The following HCN1 variants were observed in gnomAD, a reference collection of about 807,000 sequenced individuals.
The protein encoded by HCN1 is hyperpolarization activated cyclic nucleotide gated potassium channel 1.
A neutral mutation model predicts 78.9 loss-of-function variants in HCN1; 13 were observed. That is an observed-to-expected ratio of 0.16 (90% CI 0.11 to 0.26). The LOEUF (loss-of-function observed/expected upper bound fraction) is 0.26, where lower values mean the gene tolerates loss of function less well. HCN1 is among the 10% of genes least tolerant of loss of function. The pLI is 1.00. For synonymous variants in HCN1, 552 were observed against 455.5 expected (o/e 1.21, Z -2.70); for missense variants, 810 against 1,154.3 (o/e 0.70, Z 4.32).
rs78838095 is a variant in HCN1, at chr5:45,655,127, C to T, written c.426-9519G>A. ...TGCCCTTCAGTCTTTAAAATGTTCA[C>T]GTTTTATGGAAGCTTTGGAATGTGT... On this transcript the variant is annotated intron_variant, in intron 1 of 7. Transcript: ENST00000303230. Among the ~76,000 whole-genome samples the T allele has an allele frequency of 6.6e-4, 100 of 152,076 alleles. 1 individual carries two copies. The highest frequency in any genetic ancestry group is 5.0e-3 in the East Asian group (26 of 5,174).
At chr5:45,277,369 A>G (rs1745084974) in intron 6 of HCN1, among the ~76,000 whole-genome samples, 2 of 152,122 alleles carry the variant, frequency 1.3e-5, no homozygotes. Context: ...TAGCACTGAC[A>G]ACAGAAGTAG....
chr5:45,667,155 G>C (rs901027330), intron 1 of HCN1, among the ~76,000 whole-genome samples: 2 of 151,832 alleles, frequency 1.3e-5, no homozygotes, highest in Non-Finnish European at 2.9e-5. Flanking sequence ...CAAGAAATAA[G>C]CCACATAGGG....
intron 4 of HCN1, 33 bp from the exon 5 acceptor site, chr5:45,353,279 A>T (rs200486825): frequency 6.8e-7 from 1 of 1,480,424 alleles, no homozygotes; most frequent in South Asian, 1.1e-5. Flanking sequence ...TTAAAAAAAA[A>T]CATTGTTAGG....
chr5:45,388,786 A>G (rs1747979253), intron 4 of HCN1, among the ~76,000 whole-genome samples: 1 of 152,106 alleles, frequency 6.6e-6, no homozygotes, highest in Non-Finnish European at 1.5e-5. Context: ...TCTTTAAGTT[A>G]TTGAATTGTT....
intron 4 of HCN1, among the ~76,000 whole-genome samples, chr5:45,376,129 T>G (rs1196077170): frequency 3.0e-5 from 3 of 100,690 alleles, no homozygotes; most frequent in African/African-American, 8.1e-5. Context: ...ATATGTTATA[T>G]AAAATATAAT....
At chr5:45,339,163 C>T (rs1218428290) in intron 5 of HCN1, among the ~76,000 whole-genome samples, 2 of 152,096 alleles carry the variant, frequency 1.3e-5, no homozygotes, top group Admixed American at 1.3e-4. Flanking sequence ...ACCTTTTACT[C>T]AGTAAATATT....
At chr5:45,623,975 G>A (rs1231054766) in intron 2 of HCN1, among the ~76,000 whole-genome samples, 1 of 152,190 alleles carries the variant, frequency 6.6e-6, no homozygotes, top group African/African-American at 2.4e-5. Context: ...ATTCCTGGCA[G>A]AGTTAAGAAC....
intron 3 of HCN1, among the ~76,000 whole-genome samples, chr5:45,440,470 G>A (rs1043794218): frequency 6.6e-6 from 1 of 152,032 alleles, no homozygotes; most frequent in African/African-American, 2.4e-5. Context: ...CCCCTCTTGT[G>A]ACTACCCACT....
At chr5:45,485,065 T>G (rs1356155100) in intron 2 of HCN1, among the ~76,000 whole-genome samples, 1 of 152,210 alleles carries the variant, frequency 6.6e-6, no homozygotes, top group African/African-American at 2.4e-5. Context: ...AATTTCCTGA[T>G]AGATTTCAGT....
chr5:45,471,276 GA>G (rs1741384345), intron 2 of HCN1, among the ~76,000 whole-genome samples: 1 of 151,812 alleles, frequency 6.6e-6, no homozygotes, highest in African/African-American at 2.4e-5. Flanking sequence ...GGAGGTATAG[GA>G]CTGACTTTAA....
intron 2 of HCN1, among the ~76,000 whole-genome samples, chr5:45,581,740 A>G (rs1744077730): frequency 6.6e-6 from 1 of 152,122 alleles, no homozygotes; most frequent in African/African-American, 2.4e-5. Flanking sequence ...TCTGCATATG[A>G]CTATCCAGTT....
intron 3 of HCN1, among the ~76,000 whole-genome samples, chr5:45,460,827 A>G (rs1741138973): frequency 6.6e-6 from 1 of 151,946 alleles, no homozygotes; most frequent in Non-Finnish European, 1.5e-5. Context: ...AACCTATGCT[A>G]CAATCATTAG....
At chr5:45,293,303 G>C (rs1018289551) in intron 6 of HCN1, among the ~76,000 whole-genome samples, 1 of 151,944 alleles carries the variant, frequency 6.6e-6, no homozygotes, top group African/African-American at 2.4e-5. Flanking sequence ...ACTGGTTTGA[G>C]ATGTTATCTC....
intron 3 of HCN1, among the ~76,000 whole-genome samples, chr5:45,406,652 A>G (rs527774079): frequency 1.1e-4 from 16 of 152,316 alleles, no homozygotes; most frequent in Non-Finnish European, 1.5e-5. Flanking sequence ...TTATACTTTT[A>G]TATGAATAAA....
intron 6 of HCN1, among the ~76,000 whole-genome samples, chr5:45,300,592 T>A (rs1035010207): frequency 1.3e-5 from 2 of 152,158 alleles, no homozygotes; most frequent in East Asian, 3.9e-4. Flanking sequence ...TATGTTTTAA[T>A]CAACTATTTG....
intron 3 of HCN1, among the ~76,000 whole-genome samples, chr5:45,416,502 A>G (rs1740122552): frequency 6.6e-6 from 1 of 152,048 alleles, no homozygotes; most frequent in South Asian, 2.1e-4. Flanking sequence ...TAGATGAAGA[A>G]AACAAAAACA....
chr5:45,276,212 TCA>T (rs752790055), intron 6 of HCN1, among the ~76,000 whole-genome samples: 10 of 151,568 alleles, frequency 6.6e-5, no homozygotes, highest in Non-Finnish European at 1.0e-4. Context: ...TCTCTCTTTC[TCA>T]CACACACACA....
chr5:45,466,872 C>CA (rs1198497399), intron 2 of HCN1, among the ~76,000 whole-genome samples: 1 of 152,026 alleles, frequency 6.6e-6, no homozygotes, highest in African/African-American at 2.4e-5. Context: ...CCAATGACTG[C>CA]AGTCATTGGA....
chr5:45,633,768 T>C (rs1745310982), intron 2 of HCN1, among the ~76,000 whole-genome samples: 1 of 152,012 alleles, frequency 6.6e-6, no homozygotes, highest in African/African-American at 2.4e-5. Context: ...ATAGCTAGTA[T>C]ATAATTACAT....
Sources: gnomAD v4.1 joint callset for allele counts (sites outside exome capture counted in the v4.1 genomes callset) on GRCh38, gnomAD v4.1.1 for gene constraint, MANE v1.5 for transcripts, NCBI Gene and HGNC (gene_info 2026-07-23, HGNC 2026-07-21) for gene names.